Variants in ITGA4 observed in about 807,000 individuals in gnomAD.
ITGA4 encodes the protein integrin alpha-4.
A neutral mutation model predicts 133.6 loss-of-function variants in ITGA4; 63 were observed. That is an observed-to-expected ratio of 0.47 (90% CI 0.38 to 0.58). The LOEUF is 0.58. Ranked by LOEUF, ITGA4 falls within the 20% of genes least tolerant of loss-of-function variation. ITGA4 has a pLI of 0.00. For synonymous variants in ITGA4, 483 were observed against 438.0 expected (o/e 1.10, Z -1.28); for missense variants, 1,076 against 1,252.7 (o/e 0.86, Z 2.13).
chr2:181,537,140 G>A lies in ITGA4; in HGVS notation c.*1613G>A, dbSNP rs16867441. On this transcript the variant is annotated 3_prime_UTR_variant, in exon 28 of 28. Transcript: ENST00000397033. ...ATGTATTTTTAAAAAACTTTGTATC[G>A]TTATAAAAAGGCTAGTCATTCTTTC... 2,960 of 453,524 alleles carry A rather than the reference G, an allele frequency of 6.5e-3. 71 individuals are homozygous for A. Among genetic ancestry groups the A allele is most frequent in the African/African-American group, 0.053 (2,665 of 50,002 alleles). The allele number at this position is 453,524 out of a possible 1,614,324, so 28.1% of individuals were successfully genotyped here.
intron 17 of ITGA4, among the ~76,000 whole-genome samples, chr2:181,512,733 C>G (rs771399350): frequency 6.6e-6 from 1 of 151,842 alleles, no homozygotes; most frequent in African/African-American, 2.4e-5. Context: ...TAAAATGTGA[C>G]GGGTGGTGAA....
At chr2:181,468,266 T>C (rs1195892987) in intron 2 of ITGA4, among the ~76,000 whole-genome samples, 1 of 152,174 alleles carries the variant, frequency 6.6e-6, no homozygotes, top group East Asian at 1.9e-4. Flanking sequence ...GTTACTGTCT[T>C]AAAATTGAAG....
At position 181,460,779 on chromosome 2, in the gene ITGA4, A is replaced by G. The variant is rs551406920; in HGVS notation, c.319+2462A>G. Among the ~76,000 whole-genome samples, 289 of 152,304 alleles carry G rather than the reference A, an allele frequency of 1.9e-3. 3 individuals carry two copies. The highest frequency in any genetic ancestry group is 6.6e-3 in the African/African-American group (273 of 41,562). ...ATCTGTAACAAGCAGGCTGAGGTTA[A>G]TAGGGACAATTGATAAACTGAACCA... On this transcript the variant is annotated intron_variant, in intron 2 of 27. Transcript: ENST00000397033.
At chr2:181,491,001 C>A (rs1428187254) in intron 10 of ITGA4, among the ~76,000 whole-genome samples, 1 of 152,118 alleles carries the variant, frequency 6.6e-6, no homozygotes, top group Non-Finnish European at 1.5e-5. Context: ...GTATATATTT[C>A]AAAACATATC....
chr2:181,490,506 T>C (rs1409174233), intron 10 of ITGA4, among the ~76,000 whole-genome samples: 1 of 149,178 alleles, frequency 6.7e-6, no homozygotes, highest in East Asian at 2.0e-4. Flanking sequence ...TGTGTGTGTG[T>C]GTGTGTGTGT....
rs745826824 is a variant in ITGA4 at position 181,534,254 on chromosome 2, CCTT to C, written c.2785-14_2785-12del. 22 of 1,460,178 alleles carry C rather than the reference CCTT, an allele frequency of 1.5e-5. No individual in the cohort carries two copies. Among genetic ancestry groups the C allele is most frequent in the South Asian group, 1.0e-4 (9 of 87,560 alleles). 90.5% of individuals were successfully genotyped at this position (1,460,178 alleles called of 1,614,324 possible). A position where few individuals can be genotyped will look rare whatever the true frequency, so the allele number is the denominator to read the frequency against. On this transcript the variant is annotated splice_polypyrimidine_tract_variant and intron_variant, in intron 25 of 27. Coordinates refer to ENST00000397033, the MANE Select transcript of ITGA4 (RefSeq NM_000885.6). ...ATGAAATAAACCAGGCTATGGTGAT[CCTT>C]CTTTTATTAAACAGGATGAGACTTC...
Position 181,535,584 on chromosome 2 carries a change from T to G in ITGA4, c.*57T>G. 1 of 1,536,384 alleles carries G rather than the reference T, an allele frequency of 6.5e-7. No homozygotes were observed. The highest frequency in any genetic ancestry group is 2.3e-5 in the East Asian group (1 of 43,838). On this transcript the variant is annotated 3_prime_UTR_variant, in exon 28 of 28. Transcript: ENST00000397033. The stretch of plus-strand genomic sequence containing the variant: ...AGACTCAGGTTGTAGTAAAGAAATT[T>G]AAAAGACACTGTTTACAAGAAAAAA...
intron 2 of ITGA4, among the ~76,000 whole-genome samples, chr2:181,464,151 A>T (rs188171984): frequency 2.0e-5 from 3 of 152,272 alleles, no homozygotes; most frequent in South Asian, 2.1e-4. Flanking sequence ...TCAATCTGAC[A>T]TTAACCTGAT....
At chr2:181,471,724 G>GT (rs1325578713) in intron 2 of ITGA4, among the ~76,000 whole-genome samples, 2 of 152,108 alleles carry the variant, frequency 1.3e-5, no homozygotes, top group Non-Finnish European at 2.9e-5. Flanking sequence ...CCTGCCATAT[G>GT]TTTTTCTATT....
intron 17 of ITGA4, among the ~76,000 whole-genome samples, chr2:181,512,639 A>G (rs1246649901): frequency 6.6e-6 from 1 of 152,088 alleles, no homozygotes; most frequent in Non-Finnish European, 1.5e-5. Flanking sequence ...TGGAGAATAT[A>G]AAAAGGGAGA....
intron 2 of ITGA4, among the ~76,000 whole-genome samples, chr2:181,469,077 A>G (rs1206111228): frequency 1.3e-5 from 2 of 152,222 alleles, no homozygotes; most frequent in Non-Finnish European, 2.9e-5. Flanking sequence ...TGGATAAAAT[A>G]TAATCTGAGG....
At chr2:181,529,755 AACTT>A (rs1686903306) in intron 23 of ITGA4, 107 bp downstream of exon 23, 2 of 630,606 alleles carry the variant, frequency 3.2e-6, no homozygotes, top group Admixed American at 2.6e-5. Context: ...GATAATTGTT[AACTT>A]ACTTCAGTCA....
At chr2:181,475,365 GT>G in intron 4 of ITGA4, 77 bp downstream of exon 4, 1 of 1,182,312 alleles carries the variant, frequency 8.5e-7, no homozygotes, top group Non-Finnish European at 1.2e-6. Context: ...TTATGTTCAA[GT>G]TTAGATGTTC....
At chr2:181,477,396 G>A (rs155091) in intron 4 of ITGA4, among the ~76,000 whole-genome samples, 29,956 of 152,038 alleles carry the variant, frequency 0.2, 3,098 homozygotes, top group Middle Eastern at 0.31. Context: ...TGCATAGCAA[G>A]GGAGATAATC....
intron 2 of ITGA4, among the ~76,000 whole-genome samples, chr2:181,470,687 T>C (rs1375765541): frequency 6.7e-6 from 1 of 148,332 alleles, no homozygotes; most frequent in Admixed American, 6.6e-5. Context: ...CAGTCTTACT[T>C]CTTCTACCAA....
In ITGA4 at chr2:181,526,821, C is replaced by CTTTTTTTTTTTTTTTTTT. The variant is rs538208494; in HGVS notation, c.2340-461_2340-444dup. The stretch of plus-strand genomic sequence containing the variant: ...TGTCACCCAGGTCAGAGCACATGGC[C>CTTTTTTTTTTTTTTTTTT]TTTTTTTTTTTTTTTTTTTTTTTTT... On this transcript the variant is annotated intron_variant, in intron 21 of 27. Coordinates refer to ENST00000397033, the MANE Select transcript of ITGA4 (RefSeq NM_000885.6). 4.9e-3 allele frequency among the ~76,000 whole-genome samples: 202 copies of CTTTTTTTTTTTTTTTTTT among 40,982 alleles called. 57 individuals are homozygous for CTTTTTTTTTTTTTTTTTT. Among genetic ancestry groups the CTTTTTTTTTTTTTTTTTT allele is most frequent in the African/African-American group, 5.9e-3 (95 of 16,126 alleles). 26.9% of individuals were successfully genotyped at this position (40,982 alleles called of 152,430 possible).
chr2:181,460,176 T>G (rs1433473517), intron 2 of ITGA4, among the ~76,000 whole-genome samples: 2 of 152,190 alleles, frequency 1.3e-5, no homozygotes, highest in African/African-American at 4.8e-5. Context: ...ACTTTCAAAA[T>G]TTTGGCCAAT....
rs923620347 is a variant in ITGA4, at chr2:181,537,427, TTTGTTAC to T, written c.*1905_*1911del. On this transcript the variant is annotated 3_prime_UTR_variant, in exon 28 of 28. Coordinates refer to ENST00000397033, the MANE Select transcript of ITGA4 (RefSeq NM_000885.6). ...AAAATAGTATTTGTTATCAACTTAC[TTTGTTAC>T]TTGTATCATGAATTTTAAAACCCTA... The T allele has an allele frequency of 6.6e-6, 3 of 453,858 alleles. No individual in the cohort carries two copies. The highest frequency in any genetic ancestry group is 4.0e-5 in the African/African-American group (2 of 49,994). The allele number at this position is 453,858 out of a possible 1,614,324, so 28.1% of individuals were successfully genotyped here.
chr2:181,465,806 C>T (rs571960508), intron 2 of ITGA4, among the ~76,000 whole-genome samples: 3 of 152,054 alleles, frequency 2.0e-5, no homozygotes, highest in East Asian at 1.9e-4. Context: ...AGTTTTAATC[C>T]CTTCCTTCCC....
Sources: gnomAD v4.1 joint callset for allele counts (sites outside exome capture counted in the v4.1 genomes callset) on GRCh38, gnomAD v4.1.1 for gene constraint, MANE v1.5 for transcripts, NCBI Gene and HGNC (gene_info 2026-07-23, HGNC 2026-07-21) for gene names.